NMT2: variants seen among roughly 807,000 people sequenced by gnomAD.
NMT2 encodes N-myristoyltransferase 2.
A neutral mutation model predicts 65.4 loss-of-function variants in NMT2; 35 were observed. The observed-to-expected ratio is 0.54, with a 90% confidence interval of 0.41 to 0.71. The LOEUF (loss-of-function observed/expected upper bound fraction) is 0.71, where lower values mean the gene tolerates loss of function less well. Among genes scored for constraint, NMT2 ranks in the 30% least tolerant of loss-of-function variants. The pLI, the probability that NMT2 is intolerant of heterozygous loss-of-function variation, is 0.00. For missense variants in NMT2, 489 were observed against 611.3 expected (o/e 0.80, Z 2.11); for synonymous variants, 226 against 231.8 (o/e 0.98, Z 0.23).
intron 1 of NMT2, among the ~76,000 whole-genome samples, chr10:15,148,469 T>C (rs1322565959): frequency 6.6e-6 from 1 of 152,186 alleles, no homozygotes; most frequent in Non-Finnish European, 1.5e-5. Context: ...GCCGTGATCG[T>C]GCCACTACAG....
At chr10:15,142,852 A>G (rs1846824327) in intron 1 of NMT2, among the ~76,000 whole-genome samples, 1 of 152,206 alleles carries the variant, frequency 6.6e-6, no homozygotes, top group South Asian at 2.1e-4. Flanking sequence ...CATGAGCTAG[A>G]AATATGCTGC....
chr10:15,156,404 C>T (rs188560712), intron 1 of NMT2, among the ~76,000 whole-genome samples: 6 of 152,330 alleles, frequency 3.9e-5, no homozygotes, highest in Non-Finnish European at 5.9e-5. Context: ...CTATGCAGAA[C>T]TGTGAGTCAA....
intron 1 of NMT2, among the ~76,000 whole-genome samples, chr10:15,149,760 G>T (rs1180813908): frequency 6.6e-6 from 1 of 152,104 alleles, no homozygotes; most frequent in Non-Finnish European, 1.5e-5. Flanking sequence ...TGAGGAAACT[G>T]AAATAGAGAG....
At chr10:15,163,917 C>T (rs1305938872) in intron 1 of NMT2, among the ~76,000 whole-genome samples, 3 of 152,152 alleles carry the variant, frequency 2.0e-5, no homozygotes, top group Admixed American at 6.5e-5. Flanking sequence ...CGGTGGCTCA[C>T]GCCTGTAATC....
At chr10:15,162,517 G>GTGTTGA (rs1388160839) in intron 1 of NMT2, among the ~76,000 whole-genome samples, 33 of 151,834 alleles carry the variant, frequency 2.2e-4, no homozygotes, top group African/African-American at 7.7e-4. Context: ...AGTGCTCCAT[G>GTGTTGA]TGTTGATGAC....
In NMT2 at chr10:15,108,309, C is replaced by G. The variant is rs1308734829; in HGVS notation, c.*886G>C. 2 of 608,220 alleles carry G rather than the reference C, an allele frequency of 3.3e-6. No individual in the cohort carries two copies. The highest frequency in any genetic ancestry group is 4.1e-6 in the Non-Finnish European group (2 of 485,720). The allele number at this position is 608,220 out of a possible 1,614,324, so 37.7% of individuals were successfully genotyped here. On this transcript the variant is annotated 3_prime_UTR_variant, in exon 12 of 12. Transcript: ENST00000378165. ...TCAAGCGATTCTCCTGCCTCAGCCT[C>G]CCAAGCAGCTGGGACTACAGGCACA...
chr10:15,109,875 AG>A, intron 10 of NMT2, 36 bp from the exon 11 acceptor site: 1 of 1,545,812 alleles, frequency 6.5e-7, no homozygotes, highest in Non-Finnish European at 8.8e-7. Context: ...TTTAAAACAA[AG>A]GACTAGTGTT....
At chr10:15,155,378 T>C (rs1832960814) in intron 1 of NMT2, 1 of 697,188 alleles carries the variant, frequency 1.4e-6, no homozygotes, top group Admixed American at 2.3e-5. Context: ...TTTTGTTGTG[T>C]TTTTTTAAGA....
chr10:15,110,042 TG>T (rs1206511948), intron 10 of NMT2, among the ~76,000 whole-genome samples: 1 of 152,002 alleles, frequency 6.6e-6, no homozygotes. Context: ...TAGGCTGAGG[TG>T]GGTGGATCAC....
chr10:15,138,433 A>T (rs1317824067), intron 2 of NMT2: 1 of 471,188 alleles, frequency 2.1e-6, no homozygotes, highest in East Asian at 6.9e-5. Flanking sequence ...CTTCCATAGT[A>T]GCACTACCTG....
chr10:15,133,522 C>T (rs1351683671), intron 3 of NMT2, among the ~76,000 whole-genome samples, 159 bp from the exon 4 acceptor site: 1 of 152,162 alleles, frequency 6.6e-6, no homozygotes, highest in Non-Finnish European at 1.5e-5. Context: ...ATATCAAGCG[C>T]CTCTGGACTG....
At chr10:15,166,662 G>T (rs1303803089) in intron 1 of NMT2, among the ~76,000 whole-genome samples, 4 of 152,142 alleles carry the variant, frequency 2.6e-5, no homozygotes, top group Admixed American at 2.6e-4. Flanking sequence ...TATTAACATG[G>T]TATCTGCTCT....
chr10:15,146,377 C>G (rs528021547), intron 1 of NMT2, among the ~76,000 whole-genome samples: 2 of 152,368 alleles, frequency 1.3e-5, no homozygotes, highest in East Asian at 3.9e-4. Flanking sequence ...AAACGCTTTA[C>G]AGGTGGTCCA....
intron 9 of NMT2, among the ~76,000 whole-genome samples, chr10:15,115,774 A>C (rs1256601292): frequency 6.6e-6 from 1 of 152,238 alleles, no homozygotes; most frequent in Non-Finnish European, 1.5e-5. Flanking sequence ...AATTTTTAAA[A>C]GCAGGTCTGG....
intron 1 of NMT2, among the ~76,000 whole-genome samples, chr10:15,158,779 T>G (rs1054758181): frequency 1.3e-5 from 2 of 152,216 alleles, no homozygotes; most frequent in Non-Finnish European, 2.9e-5. Flanking sequence ...AGGCTGGAAG[T>G]CCACCAAGAT....
At chr10:15,167,379 G>T (rs1283924908) in intron 1 of NMT2, among the ~76,000 whole-genome samples, 1 of 152,138 alleles carries the variant, frequency 6.6e-6, no homozygotes, top group African/African-American at 2.4e-5. Flanking sequence ...TAGACAAGTA[G>T]AATGCAAATG....
rs1230958506 is a variant in NMT2 at position 15,110,799 on chromosome 10, A to C, written c.1339-960T>G. Among the ~76,000 whole-genome samples the C allele has an allele frequency of 2.0e-5, 3 of 152,128 alleles. No individual in the cohort carries two copies. The East Asian group carries it at 5.8e-4, about 29-fold the overall frequency. Reference sequence around the variant, plus strand: ...ATTTATGTTTTATTTATTTATTTTTAAATTTTTTTGAGATGGAGTCTCACT... The same window carrying C: ...ATTTATGTTTTATTTATTTATTTTTCAATTTTTTTGAGATGGAGTCTCACT... On this transcript the variant is annotated intron_variant, in intron 10 of 11. Transcript: ENST00000378165.
intron 3 of NMT2, among the ~76,000 whole-genome samples, chr10:15,134,355 G>A (rs1275911516): frequency 6.6e-6 from 1 of 152,160 alleles, no homozygotes; most frequent in Admixed American, 6.5e-5. Context: ...ATGATGACCG[G>A]GGCAGGCCTC....
At chr10:15,127,583 T>TAAAATA (rs1564568508) in intron 8 of NMT2, among the ~76,000 whole-genome samples, 1 of 63,170 alleles carries the variant, frequency 1.6e-5, no homozygotes, top group Non-Finnish European at 2.9e-5. Context: ...AATAAATAAA[T>TAAAATA]AAATAAATAA....
Sources: gnomAD v4.1 joint callset for allele counts (sites outside exome capture counted in the v4.1 genomes callset) on GRCh38, gnomAD v4.1.1 for gene constraint, MANE v1.5 for transcripts, NCBI Gene and HGNC (gene_info 2026-07-23, HGNC 2026-07-21) for gene names.